Variants in P2RY8 observed in about 807,000 individuals in gnomAD.
P2RY8 encodes S-geranylgeranyl-glutathione receptor P2RY8.
A neutral mutation model predicts 10.0 loss-of-function variants in P2RY8; 6 were observed. That is an observed-to-expected ratio of 0.60 (90% confidence interval 0.33 to 1.19). The LOEUF (loss-of-function observed/expected upper bound fraction) is 1.19, where lower values mean the gene tolerates loss of function less well. Ranked by LOEUF, P2RY8 falls within the 50% of genes most tolerant of loss-of-function variation. The pLI is 0.04. For missense variants in P2RY8, 456 were observed against 542.0 expected, an observed-to-expected ratio of 0.84 and a Z score of 1.58; for synonymous variants, 276 against 252.5, an observed-to-expected ratio of 1.09 and a Z score of -0.88.
At chrX:1,478,273 G>GTGTGTA in intron 1 of P2RY8, among the ~76,000 whole-genome samples, 1 of 133,640 alleles carries the variant, frequency 7.5e-6, no homozygotes, top group Non-Finnish European at 1.6e-5. Flanking sequence ...GTGTGTGTGT[G>GTGTGTA]CCCAGCAGGG....
intron 1 of P2RY8, among the ~76,000 whole-genome samples, chrX:1,481,998 G>T (rs1302270777): frequency 6.6e-6 from 1 of 152,176 alleles, no homozygotes; most frequent in Non-Finnish European, 1.5e-5. Context: ...GACGCCCCGT[G>T]GAGATTTTGA....
chrX:1,484,270 C>T lies in P2RY8; in HGVS notation c.-24-17688G>A, dbSNP rs771983313. 2.6e-5 allele frequency among the ~76,000 whole-genome samples: 4 copies of T among 152,284 alleles called. No homozygotes were observed. In the East Asian group the frequency reaches 7.7e-4, roughly 29 times the overall value. On this transcript the variant is annotated intron_variant, in intron 1 of 1. Coordinates refer to ENST00000381297, the MANE Select transcript of P2RY8 (RefSeq NM_178129.5). ...CACGTGTGAGCCAGTTTCAATCTCT[C>T]TCCTCTGAAAGGTGAAAGGGTCCCA...
At chrX:1,496,485 G>T (rs1423988216) in intron 1 of P2RY8, among the ~76,000 whole-genome samples, 1 of 151,934 alleles carries the variant, frequency 6.6e-6, no homozygotes, top group African/African-American at 2.4e-5. Flanking sequence ...CTCTCTCTCC[G>T]CTCAGTTCAC....
chrX:1,508,754 T>TA (rs1569538049), intron 1 of P2RY8, among the ~76,000 whole-genome samples: 7 of 137,148 alleles, frequency 5.1e-5, no homozygotes, highest in African/African-American at 1.9e-4. Flanking sequence ...ATCTATCTAT[T>TA]TCTATTATCT....
In P2RY8 at chrX:1,471,721, C is replaced by T. The variant is rs1410385414; in HGVS notation, c.-24-5139G>A. 3.9e-5 allele frequency among the ~76,000 whole-genome samples: 6 copies of T among 152,006 alleles called. No homozygotes were observed. In the East Asian group the frequency reaches 7.7e-4, roughly 20 times the overall value. ...TGCAGTGATCACTACAGTCTTGTTC[C>T]GGGTGGACCTTACAGGGTTGGGATG... On this transcript the variant is annotated intron_variant, in intron 1 of 1. Coordinates refer to ENST00000381297, the MANE Select transcript of P2RY8 (RefSeq NM_178129.5).
rs2091648753 is a variant in P2RY8 at position 1,465,305 on chromosome X, G to C, written c.*174C>G. 1.9e-6 allele frequency: 2 copies of C among 1,057,486 alleles called. No individual in the cohort carries two copies. The highest frequency in any genetic ancestry group is 2.9e-5 in the Admixed American group (1 of 34,390). The allele number at this position is 1,057,486 out of a possible 1,614,324, so 65.5% of individuals were successfully genotyped here. A position where few individuals can be genotyped will look rare whatever the true frequency, so the allele number is the denominator to read the frequency against. ...TGAAGCCTGGAGACCCTTCCTCACC[G>C]GTGCCTCTGCAGTGCCTGGGAGGAA... is the stretch of plus-strand genomic sequence containing the variant. On this transcript the variant is annotated 3_prime_UTR_variant, in exon 2 of 2. Coordinates refer to ENST00000381297, the MANE Select transcript of P2RY8 (RefSeq NM_178129.5).
At chrX:1,499,616 G>C (rs1387895912) in intron 1 of P2RY8, among the ~76,000 whole-genome samples, 4 of 151,734 alleles carry the variant, frequency 2.6e-5, no homozygotes, top group Non-Finnish European at 5.9e-5. Context: ...TATAACTTAT[G>C]GGAAATGTGT....
rs1480540741 is a variant in P2RY8 at position 1,524,668 on chromosome X, T to TCCA, written c.-25+12252_-25+12253insTGG. ...ATACATCCATCCATCCATCCATCCA[T>TCCA]TCATCCATCCATCCATCCATCCATC... is the stretch of plus-strand genomic sequence containing the variant. On this transcript the variant is annotated intron_variant, in intron 1 of 1. Transcript: ENST00000381297. Among the ~76,000 whole-genome samples the TCCA allele has an allele frequency of 1.3e-3, 113 of 86,670 alleles. 3 individuals are homozygous for TCCA. The highest frequency in any genetic ancestry group is 1.6e-3 in the African/African-American group (38 of 24,088). The allele number at this position is 86,670 out of a possible 152,430, so 56.9% of individuals were successfully genotyped here. A position where few individuals can be genotyped will look rare whatever the true frequency, so the allele number is the denominator to read the frequency against.
intron 1 of P2RY8, among the ~76,000 whole-genome samples, chrX:1,486,862 C>T (rs2091990729): frequency 2.0e-5 from 3 of 152,240 alleles, no homozygotes; most frequent in African/African-American, 7.2e-5. Flanking sequence ...AATGCTCCTG[C>T]AGTCTCAGTG....
At position 1,466,000 on chromosome X, in the gene P2RY8, C is replaced by G; in HGVS notation, c.559G>C (p.Val187Leu). ...DVLKWTMLPS[V>L]AMWAVFLFTI... Reference sequence around the variant, plus strand: ...AAGAGGAACACGGCCCACATGGCCACGCTGGGGAGCATCGTCCACTTGAGG... The same window carrying G: ...AAGAGGAACACGGCCCACATGGCCAGGCTGGGGAGCATCGTCCACTTGAGG... The change falls in exon 2 of 2, where the codon GTG (valine) becomes CTG (leucine). Residue 187 changes from valine to leucine, a missense_variant. Coordinates refer to ENST00000381297, the MANE Select transcript of P2RY8 (RefSeq NM_178129.5). The G allele has an allele frequency of 1.9e-6, 3 of 1,612,212 alleles. No individual in the cohort carries two copies. The highest frequency in any genetic ancestry group is 2.5e-6 in the Non-Finnish European group (3 of 1,179,798).
chrX:1,491,673 G>A (rs1298874511), intron 1 of P2RY8, among the ~76,000 whole-genome samples: 5 of 152,124 alleles, frequency 3.3e-5, no homozygotes, highest in Non-Finnish European at 7.3e-5. Flanking sequence ...ATGCCACTCT[G>A]AGAATACAGA....
intron 1 of P2RY8, among the ~76,000 whole-genome samples, chrX:1,501,160 G>C (rs1364672338): frequency 6.6e-6 from 1 of 152,168 alleles, no homozygotes; most frequent in Non-Finnish European, 1.5e-5. Context: ...GGGCCCTCTT[G>C]TGAACTACGT....
intron 1 of P2RY8, among the ~76,000 whole-genome samples, chrX:1,532,999 T>C (rs1248355751): frequency 8.1e-3 from 188 of 23,082 alleles, no homozygotes; most frequent in African/African-American, 0.028. Context: ...TGAAACTCTG[T>C]CTCAAAAAAA....
chrX:1,508,962 T>G (rs1276988564), intron 1 of P2RY8, among the ~76,000 whole-genome samples: 6 of 151,182 alleles, frequency 4.0e-5, no homozygotes, highest in African/African-American at 1.5e-4. Flanking sequence ...CCTGTATGTA[T>G]CTATCCATCT....
At chrX:1,471,465 A>AT (rs113928271) in intron 1 of P2RY8, among the ~76,000 whole-genome samples, 3,933 of 136,122 alleles carry the variant, frequency 0.029, 95 homozygotes, top group African/African-American at 0.055. Context: ...CACCCAGCCC[A>AT]TTTTTTTTTT....
In P2RY8 at chrX:1,466,212, C is replaced by T. The variant is rs374723732; in HGVS notation, c.347G>A (p.Cys116Tyr). The T allele has an allele frequency of 2.5e-6, 4 of 1,613,364 alleles. No homozygotes were observed. The East Asian group carries it at 8.9e-5, about 36-fold the overall frequency. The change falls in exon 2 of 2, where the codon TGT (cysteine) becomes TAT (tyrosine). Residue 116 changes from cysteine (C) to tyrosine (Y), a missense_variant. Physicochemically the swap from Cys to Tyr is radical, Grantham distance 194. Transcript: ENST00000381297. ...CCCCAGGAAGCGCTCCACGCTGATA[C>T]AGGTCATGGTGAGGATGCTGGAATA... ...NMYSSILTMT[C>Y]ISVERFLGVL...
intron 1 of P2RY8, among the ~76,000 whole-genome samples, chrX:1,517,225 T>C (rs2092357890): frequency 6.6e-6 from 1 of 151,304 alleles, no homozygotes; most frequent in African/African-American, 2.4e-5. Flanking sequence ...AGACATCTCA[T>C]AAGAGGAGGA....
intron 1 of P2RY8, among the ~76,000 whole-genome samples, chrX:1,509,815 A>ATCATCTATGTATCCATCCAT (rs1569538175): frequency 0.015 from 1,585 of 102,772 alleles, 217 homozygotes; most frequent in Middle Eastern, 0.025. Flanking sequence ...CTATCTATCT[A>ATCATCTATGTATCCATCCAT]TCTATCTATC....
At chrX:1,494,751 C>T (rs1332034784) in intron 1 of P2RY8, among the ~76,000 whole-genome samples, 2 of 152,146 alleles carry the variant, frequency 1.3e-5, no homozygotes, top group Non-Finnish European at 2.9e-5. Context: ...TGCCTCCCAA[C>T]CTGGAGTGCA....
Sources: gnomAD v4.1 joint callset for allele counts (sites outside exome capture counted in the v4.1 genomes callset) on GRCh38, gnomAD v4.1.1 for gene constraint, MANE v1.5 for transcripts, NCBI Gene and HGNC (gene_info 2026-07-23, HGNC 2026-07-21) for gene names.